Variants in SLC8A1 observed in about 807,000 individuals in gnomAD.
The protein encoded by SLC8A1 is sodium/calcium exchanger 1.
SLC8A1 carries 18 observed loss-of-function variants against 68.3 expected under a neutral mutation model. That is an observed-to-expected ratio of 0.26 (90% CI 0.18 to 0.39). The LOEUF (loss-of-function observed/expected upper bound fraction) is 0.39. Among genes scored for constraint, SLC8A1 ranks in the 10% least tolerant of loss-of-function variants. SLC8A1 has a pLI of 1.00. For synonymous variants in SLC8A1, 475 were observed against 415.5 expected (o/e 1.14, Z -1.74); for missense variants, 985 against 1,156.7 (o/e 0.85, Z 2.15).
chr2:40,261,577 A>G (rs998494055), intron 2 of SLC8A1, among the ~76,000 whole-genome samples: 4 of 152,202 alleles, frequency 2.6e-5, no homozygotes, highest in Admixed American at 1.3e-4. Context: ...TGTTAGTTTC[A>G]GATGGGAGGT....
At chr2:40,458,449 G>T (rs892451100) in intron 1 of SLC8A1, among the ~76,000 whole-genome samples, 1 of 152,212 alleles carries the variant, frequency 6.6e-6, no homozygotes, top group East Asian at 1.9e-4. Context: ...ATCGTCCCCT[G>T]TAAGGGGACT....
At chr2:40,226,209 T>A (rs2058957798) in intron 2 of SLC8A1, among the ~76,000 whole-genome samples, 1 of 152,124 alleles carries the variant, frequency 6.6e-6, no homozygotes, top group African/African-American at 2.4e-5. Flanking sequence ...GATGGCAAAT[T>A]GGTCTGGTTC....
intron 2 of SLC8A1, among the ~76,000 whole-genome samples, chr2:40,207,076 G>A (rs1468214735): frequency 6.6e-6 from 1 of 152,052 alleles, no homozygotes; most frequent in Non-Finnish European, 1.5e-5. Context: ...AAACATCTCT[G>A]TAGGTTTAAA....
chr2:40,228,487 A>C (rs2059261343), intron 2 of SLC8A1, among the ~76,000 whole-genome samples: 1 of 152,206 alleles, frequency 6.6e-6, no homozygotes, highest in South Asian at 2.1e-4. Context: ...TGGGGAATTC[A>C]ACAGTAGAAG....
At chr2:40,336,067 C>A (rs954435958) in intron 2 of SLC8A1, among the ~76,000 whole-genome samples, 1 of 152,150 alleles carries the variant, frequency 6.6e-6, no homozygotes, top group Non-Finnish European at 1.5e-5. Flanking sequence ...TGATGTCATG[C>A]CATGACTTAA....
At chr2:40,218,935 T>C (rs2057907612) in intron 2 of SLC8A1, among the ~76,000 whole-genome samples, 2 of 152,202 alleles carry the variant, frequency 1.3e-5, no homozygotes, top group Non-Finnish European at 2.9e-5. Flanking sequence ...GAGTGCTTTT[T>C]TTAACTTACA....
intron 1 of SLC8A1, among the ~76,000 whole-genome samples, chr2:40,505,022 C>A (rs986142128): frequency 4.6e-5 from 7 of 152,070 alleles, no homozygotes; most frequent in African/African-American, 9.6e-5. Flanking sequence ...TTTGTTGCAG[C>A]ACTGCTTATA....
chr2:40,123,542 T>G (rs1369553817), intron 7 of SLC8A1, among the ~76,000 whole-genome samples: 1 of 152,200 alleles, frequency 6.6e-6, no homozygotes, highest in Non-Finnish European at 1.5e-5. Context: ...TTTTTTTGAT[T>G]CCTTAAATTC....
At chr2:40,212,288 T>G (rs1364532650) in intron 2 of SLC8A1, among the ~76,000 whole-genome samples, 1 of 145,300 alleles carries the variant, frequency 6.9e-6, no homozygotes, top group Non-Finnish European at 1.5e-5. Context: ...AATATCTTTT[T>G]TTTTTTTTTT....
chr2:40,366,748 G>C (rs1405485231), intron 2 of SLC8A1, among the ~76,000 whole-genome samples: 1 of 148,150 alleles, frequency 6.7e-6, no homozygotes, highest in Non-Finnish European at 1.5e-5. Context: ...TCCCTACAAT[G>C]TTATTTCTGA....
chr2:40,200,439 A>T (rs1039269993), intron 2 of SLC8A1, among the ~76,000 whole-genome samples: 1 of 148,624 alleles, frequency 6.7e-6, no homozygotes, highest in African/African-American at 2.5e-5. Flanking sequence ...TAAGAGTTTT[A>T]TGTGTGCTAT....
At chr2:40,145,069 C>A (rs563600863) in intron 6 of SLC8A1, among the ~76,000 whole-genome samples, 31 of 152,290 alleles carry the variant, frequency 2.0e-4, no homozygotes, top group African/African-American at 7.2e-4. Context: ...TCTCTCATTG[C>A]CTGCCCCAAC....
intron 2 of SLC8A1, among the ~76,000 whole-genome samples, chr2:40,237,045 CTTCAT>C (rs2060490157): frequency 6.7e-6 from 1 of 149,586 alleles, no homozygotes; most frequent in Non-Finnish European, 1.5e-5. Flanking sequence ...TTTTTTTTTC[CTTCAT>C]TTCAACTTTG....
chr2:40,371,065 G>A lies in SLC8A1; in HGVS notation c.1808+57408C>T, dbSNP rs539115004. ...TTTCAGAAAGGTTTTGCTACATGGG[G>A]ACAAAAACTAGAAGGGATCTTTTCT... On this transcript the variant is annotated intron_variant, in intron 2 of 7. Coordinates refer to ENST00000406785, the Ensembl canonical transcript of SLC8A1. Among the ~76,000 whole-genome samples the A allele has an allele frequency of 2.9e-3, 439 of 152,140 alleles. 2 individuals carry two copies. The highest frequency in any genetic ancestry group is 0.014 in the Middle Eastern group (4 of 294).
chr2:40,183,891 C>T (rs1041459158), intron 2 of SLC8A1, among the ~76,000 whole-genome samples: 4 of 152,160 alleles, frequency 2.6e-5, no homozygotes, highest in Non-Finnish European at 5.9e-5. Flanking sequence ...TGCAGTGGCT[C>T]ATGCCTGTAA....
intron 2 of SLC8A1, among the ~76,000 whole-genome samples, chr2:40,425,804 T>TA (rs1021681336): frequency 1.3e-5 from 2 of 151,786 alleles, no homozygotes; most frequent in Admixed American, 6.6e-5. Flanking sequence ...AAATAATCCA[T>TA]AAAAAAATAA....
chr2:40,240,557 T>C (rs678107), intron 2 of SLC8A1, among the ~76,000 whole-genome samples: 24,311 of 152,212 alleles, frequency 0.16, 2,570 homozygotes, highest in African/African-American at 0.29. Flanking sequence ...GCTGTCTCTC[T>C]ATTGTTCACA....
chr2:40,160,755 A>G lies in SLC8A1; in HGVS notation c.2161+10T>C. ...ATTTTAATTTATAATATGCAGAGAA[A>G]GGCACTCACCAGCACTGACAGTGAT... On this transcript the variant is annotated intron_variant, in intron 6 of 7. Transcript: ENST00000406785. 6.2e-7 allele frequency: 1 copy of G among 1,610,360 alleles called. No individual in the cohort carries two copies. Among genetic ancestry groups the G allele is most frequent in the South Asian group, 1.1e-5 (1 of 90,990 alleles).
intron 6 of SLC8A1, among the ~76,000 whole-genome samples, chr2:40,141,564 G>A (rs1476032177): frequency 6.6e-6 from 1 of 152,216 alleles, no homozygotes; most frequent in East Asian, 1.9e-4. Context: ...CAGCTCATCA[G>A]AATGTTTGTG....
Sources: gnomAD v4.1 joint callset for allele counts (sites outside exome capture counted in the v4.1 genomes callset) on GRCh38, gnomAD v4.1.1 for gene constraint, MANE v1.5 for transcripts, NCBI Gene and HGNC (gene_info 2026-07-23, HGNC 2026-07-21) for gene names.